CNPY4: variants seen among roughly 807,000 people sequenced by gnomAD.
CNPY4 encodes protein canopy homolog 4.
In CNPY4, 33 loss-of-function variants were observed where a neutral mutation model predicts 30.1. The ratio of observed to expected loss-of-function variants is 1.10; its 90% CI spans 0.83 to 1.46. The LOEUF is 1.46. CNPY4 is among the 40% of genes most tolerant of loss of function. The probability of loss-of-function intolerance (pLI) is 0.00; values close to 1 mark genes in which losing one functional copy is unlikely to be tolerated. For missense variants in CNPY4, 324 were observed against 302.6 expected, an observed-to-expected ratio of 1.07 and a Z score of -0.52; for synonymous variants, 109 against 110.1, an observed-to-expected ratio of 0.99 and a Z score of 0.06.
intron 4 of CNPY4, 124 bp from the exon 5 acceptor site, chr7:100,124,390 G>A: frequency 4.3e-6 from 3 of 698,800 alleles, no homozygotes; most frequent in South Asian, 1.7e-5. Context: ...ACATCTAGTA[G>A]GCCAAACTTA....
intron 1 of CNPY4, among the ~76,000 whole-genome samples, chr7:100,121,855 C>G (rs998644009): frequency 2.6e-5 from 4 of 150,950 alleles, no homozygotes; most frequent in African/African-American, 4.9e-5. Flanking sequence ...TCGAGACCAT[C>G]CTGGCTAACA....
chr7:100,124,285 C>G (rs372192101), intron 4 of CNPY4: 7 of 505,110 alleles, frequency 1.4e-5, no homozygotes, highest in South Asian at 1.3e-4. Context: ...AATTACCATA[C>G]ATATTTTACA....
At position 100,119,767 on chromosome 7, in the gene CNPY4, T is replaced by A; in HGVS notation, c.23T>A (p.Ile8Lys). 6.2e-7 allele frequency: 1 copy of A among 1,614,184 alleles called. No individual in the cohort carries two copies. The highest frequency in any genetic ancestry group is 8.5e-7 in the Non-Finnish European group (1 of 1,180,018). ...GTCATGGGACCTGTGCGGTTGGGAA[T>A]ATTGCTTTTCCTTTTTTTGGCCGTG... is the stretch of plus-strand genomic sequence containing the variant. MGPVRLG[I>K]LLFLFLAVHE... The change falls in exon 1 of 6, where the codon ATA becomes AAA. Residue 8 changes from isoleucine (I) to lysine (K), a missense_variant. Physicochemically the swap from Ile to Lys is moderately radical, Grantham distance 102. Transcript: ENST00000262932.
intron 1 of CNPY4, chr7:100,121,114 ATATTTTTTTTTTTTTTTTTT>A (rs1798045200): frequency 2.9e-4 from 9 of 31,152 alleles, no homozygotes; most frequent in East Asian, 6.0e-4. Context: ...ATATATATAT[ATATTTTTTTTTTTTTTTTTT>A]TTTTTTTTTT....
chr7:100,121,036 ATCT>A (rs1271121775), intron 1 of CNPY4: 3 of 129,460 alleles, frequency 2.3e-5, no homozygotes, highest in Admixed American at 1.6e-4. Flanking sequence ...GATTTATTTA[ATCT>A]TCATCACACT....
At position 100,122,391 on chromosome 7, in the gene CNPY4, T is replaced by C; in HGVS notation, c.245+6T>C. 1 of 1,613,774 alleles carries C rather than the reference T, an allele frequency of 6.2e-7. No homozygotes were observed. The highest frequency in any genetic ancestry group is 8.5e-7 in the Non-Finnish European group (1 of 1,179,952). On this transcript the variant is annotated splice_donor_region_variant and intron_variant, in intron 2 of 5. Transcript: ENST00000262932. ...CACGTGCCTTACAGCGTTTCGTGAGTCCTTCGTGCTCCTCCCCTTTCCAAC... is the reference window on the plus strand; with the variant it reads ...CACGTGCCTTACAGCGTTTCGTGAGCCCTTCGTGCTCCTCCCCTTTCCAAC...
Position 100,119,831 on chromosome 7 carries a change from T to C in CNPY4, c.87T>C (p.Asp29=), listed in dbSNP as rs758790022. The C allele has an allele frequency of 4.9e-5, 79 of 1,613,704 alleles. No homozygotes were observed. In the South Asian group the frequency reaches 5.6e-4, roughly 11 times the overall value. The part of the protein sequence containing the change: ...AWAGMLKEED[D]DTERLPSKCE... The stretch of plus-strand genomic sequence containing the variant: ...CTGGGATGTTGAAGGAGGAGGACGA[T>C]GACACAGAACGCTTGCCCAGCAAAT... Residue 29 remains aspartate, a synonymous_variant, in exon 1 of 6, where the codon GAT becomes GAC. Coordinates refer to ENST00000262932, the MANE Select transcript of CNPY4 (RefSeq NM_152755.2).
chr7:100,122,494 G>C lies in CNPY4; in HGVS notation c.259G>C (p.Glu87Gln). The change falls in exon 3 of 6, where the codon GAA becomes CAA. Residue 87 changes from glutamate (E) to glutamine (Q), a missense_variant. Physicochemically the swap from Glu to Gln is conservative, Grantham distance 29. Transcript: ENST00000262932. ...CTCTTTCCACAGAGAGACAAGGCTG[G>C]AAGAGGCCTTAGAGAATTTATGTGA... ...VPYSVSETRL[E>Q]EALENLCERI... 1 of 1,614,074 alleles carries C rather than the reference G, an allele frequency of 6.2e-7. No homozygotes were observed. The highest frequency in any genetic ancestry group is 8.5e-7 in the Non-Finnish European group (1 of 1,180,010).
In CNPY4 at chr7:100,125,227, A is replaced by G; in HGVS notation, c.*339A>G. ...GGCACTGGAGCTGTGGGCTTTGGGGAAGTCACTTAGCTCCTTAAGGTCTGT... is the reference window on the plus strand; with the variant it reads ...GGCACTGGAGCTGTGGGCTTTGGGGGAGTCACTTAGCTCCTTAAGGTCTGT... On this transcript the variant is annotated 3_prime_UTR_variant, in exon 6 of 6. Transcript: ENST00000262932. 1 of 251,762 alleles carries G rather than the reference A, an allele frequency of 4.0e-6. No homozygotes were observed. Among genetic ancestry groups the G allele is most frequent in the Non-Finnish European group, 7.6e-6 (1 of 130,998 alleles). The allele number at this position is 251,762 out of a possible 1,614,324, so 15.6% of individuals were successfully genotyped here.
chr7:100,122,357 A>G lies in CNPY4; in HGVS notation c.217A>G (p.Arg73Gly). 1 of 1,614,134 alleles carries G rather than the reference A, an allele frequency of 6.2e-7. No homozygotes were observed. The change falls in exon 2 of 6, where the codon AGG becomes GGG. Residue 73 changes from arginine (R) to glycine (G), a missense_variant. Arg to Gly is a moderately radical substitution (Grantham distance 125, BLOSUM62 -2). Coordinates refer to ENST00000262932, the MANE Select transcript of CNPY4 (RefSeq NM_152755.2). ...GGGGCAGGTGCTGGATACAGGCAAG[A>G]GGAAGAGACACGTGCCTTACAGCGT... is the stretch of plus-strand genomic sequence containing the variant. The part of the protein sequence containing the change: ...ELGQVLDTGK[R>G]KRHVPYSVSE...
chr7:100,119,669 C>A lies in CNPY4; in HGVS notation c.-76C>A. ...TGGATTTAAGGTTGCCGCTAGCCGC[C>A]TGGGAATTTAAGGGACCCACACTAC... On this transcript the variant is annotated 5_prime_UTR_variant, in exon 1 of 6. It adds an upstream start codon to the 5' untranslated region. Transcript: ENST00000262932. 2.5e-6 allele frequency: 4 copies of A among 1,611,778 alleles called. No individual in the cohort carries two copies. Among genetic ancestry groups the A allele is most frequent in the Non-Finnish European group, 3.4e-6 (4 of 1,179,120 alleles).
chr7:100,122,735 G>A lies in CNPY4; in HGVS notation c.343-49G>A, dbSNP rs3735240. On this transcript the variant is annotated intron_variant, in intron 3 of 5. Coordinates refer to ENST00000262932, the MANE Select transcript of CNPY4 (RefSeq NM_152755.2). ...AACTGAAATGGCAGAAAGGGGAAGG[G>A]AGGGGTGGGGTGGTGAGCTGGGCTG... 1.3e-4 allele frequency: 206 copies of A among 1,585,152 alleles called. No homozygotes were observed. In the East Asian group the frequency reaches 4.5e-3, roughly 35 times the overall value.
In CNPY4 at chr7:100,119,859, G is replaced by A. The variant is rs1562937146; in HGVS notation, c.115G>A (p.Glu39Lys). 8 of 1,611,052 alleles carry A rather than the reference G, an allele frequency of 5.0e-6. No homozygotes were observed. The East Asian group carries it at 8.9e-5, about 18-fold the overall frequency. Residue 39 changes from glutamate to lysine, a missense_variant, in exon 1 of 6, where the codon GAA (glutamate) becomes AAA (lysine). Physicochemically the swap from Glu to Lys is moderately conservative, Grantham distance 56. Transcript: ENST00000262932. ...CACAGAACGCTTGCCCAGCAAATGCGAAGGTATTTGAAGGGGGTAGCCCCT... is the reference window on the plus strand; with the variant it reads ...CACAGAACGCTTGCCCAGCAAATGCAAAGGTATTTGAAGGGGGTAGCCCCT... ...DDTERLPSKCEVCKLLSTELQ... is the reference protein window; with the variant it reads ...DDTERLPSKCKVCKLLSTELQ...
Position 100,119,842 on chromosome 7 carries a change from G to C in CNPY4, c.98G>C (p.Arg33Pro). 6.2e-7 allele frequency: 1 copy of C among 1,612,406 alleles called. No individual in the cohort carries two copies. Among genetic ancestry groups the C allele is most frequent in the Admixed American group, 1.7e-5 (1 of 59,248 alleles). The change falls in exon 1 of 6, where the codon CGC (arginine) becomes CCC (proline). Residue 33 changes from arginine to proline, a missense_variant. Transcript: ENST00000262932. Reference sequence around the variant, plus strand: ...AAGGAGGAGGACGATGACACAGAACGCTTGCCCAGCAAATGCGAAGGTATT... The same window carrying C: ...AAGGAGGAGGACGATGACACAGAACCCTTGCCCAGCAAATGCGAAGGTATT... ...MLKEEDDDTERLPSKCEVCKL... is the reference protein window; with the variant it reads ...MLKEEDDDTEPLPSKCEVCKL...
At position 100,122,381 on chromosome 7, in the gene CNPY4, GT is replaced by G. The variant is rs759875144; in HGVS notation, c.244del (p.Ser82GlnfsTer9). The G allele has an allele frequency of 3.7e-6, 6 of 1,614,124 alleles. No individual in the cohort carries two copies. In the South Asian group the frequency reaches 5.5e-5, roughly 15 times the overall value. On this transcript the variant is annotated frameshift_variant, in exon 2 of 6. Transcript: ENST00000262932. LOFTEE classifies it high-confidence loss of function. ...GKRKRHVPYS[V>X]SETRLEEALE... is the part of the protein sequence containing the mutation. ...GAGGAAGAGACACGTGCCTTACAGCGTTTCGTGAGTCCTTCGTGCTCCTCCC... is the reference window on the plus strand; with the variant it reads ...GAGGAAGAGACACGTGCCTTACAGCGTTCGTGAGTCCTTCGTGCTCCTCCC...
chr7:100,121,967 G>A (rs550328086), intron 1 of CNPY4: 18 of 303,700 alleles, frequency 5.9e-5, no homozygotes, highest in Non-Finnish European at 8.2e-5. Context: ...GGAGAATGGC[G>A]TGAACCCAGG....
chr7:100,119,875 G>T lies in CNPY4; in HGVS notation c.118+13G>T. The T allele has an allele frequency of 6.2e-7, 1 of 1,606,484 alleles. No homozygotes were observed. Among genetic ancestry groups the T allele is most frequent in the Non-Finnish European group, 8.5e-7 (1 of 1,176,106 alleles). On this transcript the variant is annotated intron_variant, in intron 1 of 5. Coordinates refer to ENST00000262932, the MANE Select transcript of CNPY4 (RefSeq NM_152755.2). ...AGCAAATGCGAAGGTATTTGAAGGG[G>T]GTAGCCCCTATAGGCATCGCCCGGC...
At chr7:100,120,094 C>T (rs1345353151) in intron 1 of CNPY4, 1 of 437,262 alleles carries the variant, frequency 2.3e-6, no homozygotes, top group Admixed American at 4.2e-5. Flanking sequence ...ACCCCCCGCC[C>T]GCCAATGGAT....
chr7:100,122,740 G>A, intron 3 of CNPY4, 44 bp from the exon 4 acceptor site: 2 of 1,590,116 alleles, frequency 1.3e-6, no homozygotes, highest in African/African-American at 1.3e-5. Flanking sequence ...GAAGGGAGGG[G>A]TGGGGTGGTG....
Sources: gnomAD v4.1 joint callset for allele counts (sites outside exome capture counted in the v4.1 genomes callset) on GRCh38, gnomAD v4.1.1 for gene constraint, MANE v1.5 for transcripts, NCBI Gene and HGNC (gene_info 2026-07-23, HGNC 2026-07-21) for gene names.